The following GRIA3 variants were observed in gnomAD, a reference collection of about 807,000 sequenced individuals.
The protein encoded by GRIA3 is glutamate ionotropic receptor AMPA type subunit 3.
Under a neutral mutation model 63.0 loss-of-function variants are expected in GRIA3, and 3 were observed. The observed-to-expected ratio is 0.05, with a 90% CI of 0.02 to 0.12. GRIA3 has a LOEUF of 0.12. Ranked by LOEUF, GRIA3 falls within the 10% of genes least tolerant of loss-of-function variation. GRIA3 has a pLI of 1.00. For missense variants in GRIA3, 347 were observed against 700.9 expected (o/e 0.50, Z 5.70); for synonymous variants, 274 against 257.9 (o/e 1.06, Z -0.60).
chrX:123,308,934 A>G (rs1898311808), intron 3 of GRIA3, among the ~76,000 whole-genome samples: 1 of 112,548 alleles, frequency 8.9e-6, no homozygotes, highest in Non-Finnish European at 1.9e-5. Context: ...TTAAGGTTAT[A>G]GGAAATATGC....
intron 2 of GRIA3, among the ~76,000 whole-genome samples, chrX:123,203,377 T>C (rs1026337900): frequency 8.9e-6 from 1 of 112,047 alleles, no homozygotes; most frequent in African/African-American, 3.2e-5. Context: ...GCCCCCTCTT[T>C]AGGCCTCACC....
At chrX:123,223,467 T>C (rs909862053) in intron 2 of GRIA3, among the ~76,000 whole-genome samples, 1 of 112,568 alleles carries the variant, frequency 8.9e-6, no homozygotes, top group African/African-American at 3.2e-5. Flanking sequence ...TGCCAAGGAT[T>C]TAGAAATGTC....
intron 3 of GRIA3, among the ~76,000 whole-genome samples, chrX:123,264,532 G>T (rs944181072): frequency 9.0e-6 from 1 of 111,550 alleles, no homozygotes; most frequent in African/African-American, 3.3e-5. Flanking sequence ...AAACTCATCT[G>T]AGTTTGTCAA....
intron 10 of GRIA3, among the ~76,000 whole-genome samples, chrX:123,415,134 C>T (rs1301810604): frequency 3.6e-5 from 4 of 111,849 alleles, no homozygotes; most frequent in African/African-American, 1.3e-4. Context: ...GAGATGGTAT[C>T]TCATTGTGGT....
chrX:123,373,058 C>T (rs2045259301), intron 5 of GRIA3, among the ~76,000 whole-genome samples: 1 of 108,632 alleles, frequency 9.2e-6, no homozygotes, highest in African/African-American at 3.4e-5. Flanking sequence ...ATGTTCCCTG[C>T]CCTGTGTCCA....
chrX:123,268,500 A>T (rs1405007192), intron 3 of GRIA3, among the ~76,000 whole-genome samples: 1 of 109,661 alleles, frequency 9.1e-6, no homozygotes, highest in Admixed American at 9.8e-5. Flanking sequence ...ATAATAATAT[A>T]AATATGTCAT....
intron 3 of GRIA3, among the ~76,000 whole-genome samples, chrX:123,298,673 G>C (rs1417127314): frequency 1.8e-5 from 2 of 110,371 alleles, no homozygotes; most frequent in African/African-American, 6.6e-5. Flanking sequence ...TTTTCCCATT[G>C]TGTAGGTTGT....
chrX:123,323,436 T>A, intron 3 of GRIA3, among the ~76,000 whole-genome samples: 2 of 112,433 alleles, frequency 1.8e-5, no homozygotes, highest in Non-Finnish European at 3.8e-5. Flanking sequence ...AGTTTTATTT[T>A]AAAATTTTAA....
At chrX:123,344,487 G>A (rs1372702813) in intron 4 of GRIA3, among the ~76,000 whole-genome samples, 1 of 111,673 alleles carries the variant, frequency 9.0e-6, no homozygotes, top group Non-Finnish European at 1.9e-5. Context: ...TTTGGTAGGT[G>A]TATTGTCCAT....
chrX:123,251,150 T>C (rs1020545349), intron 2 of GRIA3, among the ~76,000 whole-genome samples: 1 of 112,555 alleles, frequency 8.9e-6, no homozygotes, highest in Non-Finnish European at 1.9e-5. Context: ...GGCTAAATAC[T>C]ATTCTCATTA....
rs759688849 is a variant in GRIA3, at chrX:123,403,081, G to A, written c.1168G>A (p.Val390Ile). Residue 390 changes from valine (V) to isoleucine (I), a missense_variant, in exon 8 of 16, where the codon GTC becomes ATC. Coordinates refer to ENST00000620443, the MANE Select transcript of GRIA3 (RefSeq NM_007325.5). ...NYTIDVYEMK[V>I]SGSRKAGYWN... Reference sequence around the variant, plus strand: ...TACCATCGATGTGTATGAAATGAAAGTCAGTGGCTCTCGAAAAGTAAGTAA... The same window carrying A: ...TACCATCGATGTGTATGAAATGAAAATCAGTGGCTCTCGAAAAGTAAGTAA... 1.8e-6 allele frequency: 2 copies of A among 1,118,935 alleles called. No individual in the cohort carries two copies. Among genetic ancestry groups the A allele is most frequent in the East Asian group, 3.0e-5 (1 of 33,361 alleles). The allele number at this position is 1,118,935 out of a possible 1,213,427, so 92.2% of individuals were successfully genotyped here. A position where few individuals can be genotyped will look rare whatever the true frequency, so the allele number is the denominator to read the frequency against.
At chrX:123,316,961 G>C (rs953450828) in intron 3 of GRIA3, among the ~76,000 whole-genome samples, 4 of 111,694 alleles carry the variant, frequency 3.6e-5, no homozygotes, top group Non-Finnish European at 7.5e-5. Context: ...TGCTGATAAA[G>C]ACATACCCAA....
At chrX:123,409,133 C>T (rs1310330258) in intron 10 of GRIA3, among the ~76,000 whole-genome samples, 1 of 111,551 alleles carries the variant, frequency 9.0e-6, no homozygotes, top group Non-Finnish European at 1.9e-5. Flanking sequence ...TCTTAATGAG[C>T]AAAAAGATGG....
intron 2 of GRIA3, among the ~76,000 whole-genome samples, chrX:123,231,165 T>A (rs2044274227): frequency 8.9e-6 from 1 of 111,994 alleles, no homozygotes. Flanking sequence ...TGGAGATCTC[T>A]GGAAATAAAT....
intron 3 of GRIA3, among the ~76,000 whole-genome samples, chrX:123,282,156 A>G (rs1179392624): frequency 8.9e-6 from 1 of 112,470 alleles, no homozygotes; most frequent in Non-Finnish European, 1.9e-5. Flanking sequence ...TACAAAGAAC[A>G]CAATTTGAGA....
chrX:123,334,092 G>A (rs991107154), intron 4 of GRIA3, among the ~76,000 whole-genome samples: 7 of 111,718 alleles, frequency 6.3e-5, no homozygotes, highest in Admixed American at 9.5e-5. Context: ...CCAAACTACA[G>A]AATGGTGTCC....
intron 5 of GRIA3, 149 bp from the exon 6 acceptor site, chrX:123,394,819 T>G: frequency 2.1e-6 from 1 of 479,623 alleles, no homozygotes; most frequent in South Asian, 3.2e-5. Context: ...CATAGTGCCC[T>G]AACAATTAAT....
Position 123,205,751 on chromosome X carries a change from C to A in GRIA3, c.268+19761C>A, listed in dbSNP as rs143415914. ...TGAATCATCCATAGAAAATTGAATT[C>A]TGTTCATTCTTCTGCACTGGTATAC... On this transcript the variant is annotated intron_variant, in intron 2 of 15. Coordinates refer to ENST00000620443, the MANE Select transcript of GRIA3 (RefSeq NM_007325.5). Among the ~76,000 whole-genome samples, 443 of 112,008 alleles carry A rather than the reference C, an allele frequency of 4.0e-3. 12 individuals carry two copies. In the South Asian group the frequency reaches 0.084, roughly 21 times the overall value.
intron 2 of GRIA3, among the ~76,000 whole-genome samples, chrX:123,226,238 C>T (rs1266592893): frequency 2.7e-5 from 3 of 111,472 alleles, no homozygotes; most frequent in Non-Finnish European, 5.7e-5. Context: ...AACATAACAA[C>T]AGTTCAAGAA....
Sources: gnomAD v4.1 joint callset for allele counts (sites outside exome capture counted in the v4.1 genomes callset) on GRCh38, gnomAD v4.1.1 for gene constraint, MANE v1.5 for transcripts, NCBI Gene and HGNC (gene_info 2026-07-23, HGNC 2026-07-21) for gene names.